The following RGS22 variants were observed in gnomAD, a reference collection of about 807,000 sequenced individuals.
The protein encoded by RGS22 is regulator of G protein signaling 22.
A neutral mutation model predicts 172.9 loss-of-function variants in RGS22; 148 were observed. The ratio of observed to expected loss-of-function variants is 0.86; its 90% CI spans 0.75 to 0.98. The LOEUF (loss-of-function observed/expected upper bound fraction) is 0.98, where lower values mean the gene tolerates loss of function less well. RGS22 is among the 50% of genes least tolerant of loss of function. RGS22 has a pLI of 0.00. For missense variants in RGS22, 1,347 were observed against 1,440.8 expected (o/e 0.93, Z 1.05); for synonymous variants, 458 against 480.2 (o/e 0.95, Z 0.60).
At chr8:99,999,001 T>C (rs1434886570) in intron 19 of RGS22, among the ~76,000 whole-genome samples, 3 of 151,920 alleles carry the variant, frequency 2.0e-5, no homozygotes, top group Non-Finnish European at 2.9e-5. Flanking sequence ...TCAAAAAAAT[T>C]TTTTTCAATT....
At chr8:100,054,670 T>G (rs1284570287) in intron 9 of RGS22, among the ~76,000 whole-genome samples, 1 of 151,394 alleles carries the variant, frequency 6.6e-6, no homozygotes, top group Non-Finnish European at 1.5e-5. Flanking sequence ...AGATTGGGAG[T>G]GAAAGAGAAT....
Position 100,105,365 on chromosome 8 carries a change from G to A in RGS22, c.54+9C>T, listed in dbSNP as rs1456266110. 1 of 1,603,576 alleles carries A rather than the reference G, an allele frequency of 6.2e-7. No homozygotes were observed. The highest frequency in any genetic ancestry group is 2.2e-5 in the East Asian group (1 of 44,814). On this transcript the variant is annotated intron_variant, in intron 2 of 27. Coordinates refer to ENST00000360863, the MANE Select transcript of RGS22 (RefSeq NM_015668.5). The stretch of plus-strand genomic sequence containing the variant: ...AAAGAAAAAAATAGCCCCTTGAAAT[G>A]ATACTTACAAATTCTTCTTCTGTAA...
intron 7 of RGS22, among the ~76,000 whole-genome samples, chr8:100,065,630 A>T (rs1810484633): frequency 1.3e-5 from 2 of 152,130 alleles, no homozygotes. Flanking sequence ...ATTTTTATGA[A>T]AAGTCAGTAT....
intron 18 of RGS22, among the ~76,000 whole-genome samples, chr8:100,001,202 T>TTATATA (rs140189906): frequency 0.021 from 2,611 of 124,700 alleles, 46 homozygotes; most frequent in African/African-American, 0.033. Context: ...TCCCAATTTT[T>TTATATA]TATATATATA....
chr8:99,973,636 G>A (rs1236945810), intron 23 of RGS22, among the ~76,000 whole-genome samples: 1 of 152,128 alleles, frequency 6.6e-6, no homozygotes, highest in Non-Finnish European at 1.5e-5. Context: ...TTGGGAGACT[G>A]AGGCGGGCAA....
At chr8:99,973,771 C>T (rs1227217000) in intron 23 of RGS22, among the ~76,000 whole-genome samples, 3 of 150,628 alleles carry the variant, frequency 2.0e-5, no homozygotes, top group Non-Finnish European at 4.4e-5. Context: ...TGGGAGGCTG[C>T]GGCAGGAGAA....
At chr8:100,042,072 A>T (rs112604908) in intron 11 of RGS22, 156 bp from the exon 12 acceptor site, 131 of 501,508 alleles carry the variant, frequency 2.6e-4, no homozygotes, top group African/African-American at 2.3e-3. Context: ...TTCTAGCCCT[A>T]AAGTGGTGGT....
chr8:100,024,103 A>T (rs1010171280), intron 14 of RGS22: 3 of 152,188 alleles, frequency 2.0e-5, no homozygotes, highest in African/African-American at 7.2e-5. Context: ...AGTAGCTGGG[A>T]TTATAGGCGA....
At chr8:100,097,158 T>G (rs1306082478) in intron 2 of RGS22, among the ~76,000 whole-genome samples, 9 of 152,082 alleles carry the variant, frequency 5.9e-5, no homozygotes, top group Admixed American at 5.9e-4. Flanking sequence ...CTCTGGGGAA[T>G]GGGGGCGAGA....
At chr8:100,011,374 G>A (rs1310579998) in intron 14 of RGS22, among the ~76,000 whole-genome samples, 2 of 152,128 alleles carry the variant, frequency 1.3e-5, no homozygotes, top group Admixed American at 6.5e-5. Context: ...CCTCTTGCTT[G>A]CTTTTTTGCA....
chr8:100,041,091 C>G (rs1043099166), intron 12 of RGS22, among the ~76,000 whole-genome samples: 1 of 152,142 alleles, frequency 6.6e-6, no homozygotes, highest in Non-Finnish European at 1.5e-5. Flanking sequence ...AGGTTTCTAC[C>G]TAAAGTATAA....
At chr8:100,017,876 G>C (rs1436409475) in intron 14 of RGS22, among the ~76,000 whole-genome samples, 1 of 152,138 alleles carries the variant, frequency 6.6e-6, no homozygotes, top group East Asian at 1.9e-4. Flanking sequence ...TAACAATGTA[G>C]CTCATGTTAG....
intron 20 of RGS22, among the ~76,000 whole-genome samples, chr8:99,994,077 A>C (rs1314340818): frequency 1.3e-5 from 2 of 152,208 alleles, no homozygotes; most frequent in African/African-American, 4.8e-5. Flanking sequence ...CTTCATGCTA[A>C]AAACTCTCAA....
At chr8:100,101,405 C>A (rs937404518) in intron 2 of RGS22, among the ~76,000 whole-genome samples, 1 of 150,824 alleles carries the variant, frequency 6.6e-6, no homozygotes, top group Non-Finnish European at 1.5e-5. Context: ...TCCTGCCTCA[C>A]CCTCCCGAGT....
Position 99,962,668 on chromosome 8 carries a change from G to C in RGS22, c.3790+19C>G, listed in dbSNP as rs1810332269. ...AAAAAGAAAGAAACAACTGAAGATAGACTACACTGGAAACTCACTCTGGCT... is the reference window on the plus strand; with the variant it reads ...AAAAAGAAAGAAACAACTGAAGATACACTACACTGGAAACTCACTCTGGCT... On this transcript the variant is annotated intron_variant, in intron 26 of 27. Transcript: ENST00000360863. 1 of 1,583,540 alleles carries C rather than the reference G, an allele frequency of 6.3e-7. No individual in the cohort carries two copies. Among genetic ancestry groups the C allele is most frequent in the African/African-American group, 1.4e-5 (1 of 73,094 alleles).
chr8:100,072,377 A>G (rs903266401), intron 4 of RGS22, 147 bp from the exon 5 acceptor site: 2 of 467,510 alleles, frequency 4.3e-6, no homozygotes, highest in African/African-American at 4.1e-5. Context: ...AGAGATCAAT[A>G]AACCTGAGCC....
At chr8:99,969,480 G>C (rs1238129799) in intron 23 of RGS22, among the ~76,000 whole-genome samples, 1 of 152,066 alleles carries the variant, frequency 6.6e-6, no homozygotes, top group African/African-American at 2.4e-5. Context: ...TCGGTGTGCT[G>C]TATCCCGGAG....
chr8:100,070,044 AAAAAC>A (rs1253092574), intron 6 of RGS22, among the ~76,000 whole-genome samples: 1,336 of 129,352 alleles, frequency 0.01, no homozygotes, highest in Middle Eastern at 0.019. Context: ...AAAAAAAAAA[AAAAAC>A]AAAACAAAAC....
At chr8:100,035,718 T>C (rs1053802553) in intron 14 of RGS22, among the ~76,000 whole-genome samples, 5 of 152,144 alleles carry the variant, frequency 3.3e-5, no homozygotes, top group Admixed American at 1.3e-4. Flanking sequence ...CAAATGTCCA[T>C]CAATGATAGA....
Sources: allele counts gnomAD v4.1 joint callset (sites outside exome capture counted in the v4.1 genomes callset), GRCh38; gene constraint gnomAD v4.1.1; transcripts MANE v1.5; gene names NCBI Gene and HGNC (gene_info 2026-07-23, HGNC 2026-07-21).